The following XKR6 variants were observed in gnomAD, a reference collection of about 807,000 sequenced individuals.
XKR6 encodes XK-related protein 6.
A neutral mutation model predicts 56.7 loss-of-function variants in XKR6; 22 were observed. The observed-to-expected ratio is 0.39, with a 90% CI of 0.28 to 0.55. The LOEUF (loss-of-function observed/expected upper bound fraction) is 0.55. Among genes scored for constraint, XKR6 ranks in the 20% least tolerant of loss-of-function variants. The pLI is 0.66. For missense variants in XKR6, 852 were observed against 889.0 expected (o/e 0.96, Z 0.53); for synonymous variants, 524 against 387.8 (o/e 1.35, Z -4.13).
At chr8:11,112,941 G>A (rs1215814077) in intron 1 of XKR6, among the ~76,000 whole-genome samples, 1 of 152,090 alleles carries the variant, frequency 6.6e-6, no homozygotes. Context: ...CTGTTTGTAG[G>A]GAAATTAAGT....
At chr8:10,933,828 G>T (rs1801139918) in intron 1 of XKR6, among the ~76,000 whole-genome samples, 1 of 136,826 alleles carries the variant, frequency 7.3e-6, no homozygotes, top group Non-Finnish European at 1.6e-5. Flanking sequence ...AAGTCAGGTA[G>T]TGTGATGCCT....
At chr8:11,039,098 G>C (rs1799219951) in intron 1 of XKR6, among the ~76,000 whole-genome samples, 1 of 152,154 alleles carries the variant, frequency 6.6e-6, no homozygotes, top group Non-Finnish European at 1.5e-5. Flanking sequence ...GGGGACTTTG[G>C]CAGGAAGAAG....
intron 1 of XKR6, among the ~76,000 whole-genome samples, chr8:11,183,393 G>A (rs144662794): frequency 6.6e-6 from 1 of 152,106 alleles, no homozygotes; most frequent in African/African-American, 2.4e-5. Flanking sequence ...GCTCACTGCA[G>A]CCTCAAAGTC....
intron 1 of XKR6, among the ~76,000 whole-genome samples, chr8:11,122,579 C>G (rs998701581): frequency 4.6e-5 from 7 of 152,208 alleles, no homozygotes; most frequent in Non-Finnish European, 7.3e-5. Context: ...TTTCCATTGG[C>G]ACTCTTATTT....
chr8:11,009,489 G>A (rs1798451911), intron 1 of XKR6, among the ~76,000 whole-genome samples: 2 of 152,184 alleles, frequency 1.3e-5, no homozygotes, highest in South Asian at 2.1e-4. Flanking sequence ...CAGCCTTGGT[G>A]AGAGAGTGAG....
chr8:11,011,053 T>A (rs912930578), intron 1 of XKR6, among the ~76,000 whole-genome samples: 5 of 152,218 alleles, frequency 3.3e-5, no homozygotes, highest in Admixed American at 3.3e-4. Context: ...TATCCCTGTT[T>A]AACAGATGAG....
At chr8:10,908,050 C>A (rs780130898) in intron 2 of XKR6, among the ~76,000 whole-genome samples, 2 of 152,214 alleles carry the variant, frequency 1.3e-5, no homozygotes, top group African/African-American at 4.8e-5. Flanking sequence ...TGATTTTCAA[C>A]GCCTTTTGCG....
chr8:11,069,548 A>G (rs1014174964), intron 1 of XKR6, among the ~76,000 whole-genome samples: 22 of 152,124 alleles, frequency 1.4e-4, no homozygotes, highest in Admixed American at 1.1e-3. Context: ...GTCATGTAAG[A>G]GGCATACCCC....
At chr8:11,065,221 AAC>A (rs1030857804) in intron 1 of XKR6, among the ~76,000 whole-genome samples, 3 of 152,204 alleles carry the variant, frequency 2.0e-5, no homozygotes, top group African/African-American at 7.2e-5. Context: ...CAAAGAAGGA[AAC>A]ACAGGATTAT....
At chr8:10,951,388 C>A (rs1208686085) in intron 1 of XKR6, among the ~76,000 whole-genome samples, 2 of 151,870 alleles carry the variant, frequency 1.3e-5, no homozygotes, top group Non-Finnish European at 2.9e-5. Context: ...AGCCAGGCTG[C>A]AGCTCAGAGA....
chr8:11,064,307 T>C (rs1799922966), intron 1 of XKR6, among the ~76,000 whole-genome samples: 1 of 152,228 alleles, frequency 6.6e-6, no homozygotes, highest in Non-Finnish European at 1.5e-5. Flanking sequence ...TGTCCATCTC[T>C]GCCTCAGTTA....
At chr8:10,909,679 C>T (rs375787758) in intron 2 of XKR6, among the ~76,000 whole-genome samples, 7 of 152,190 alleles carry the variant, frequency 4.6e-5, no homozygotes, top group East Asian at 1.9e-4. Flanking sequence ...TCTCCAAACA[C>T]GGGAAAGGGA....
At chr8:10,986,208 C>T (rs76937040) in intron 1 of XKR6, among the ~76,000 whole-genome samples, 3,809 of 152,126 alleles carry the variant, frequency 0.025, 164 homozygotes, top group African/African-American at 0.087. Flanking sequence ...GTGATGGTGG[C>T]CCAGATGATT....
intron 1 of XKR6, among the ~76,000 whole-genome samples, chr8:11,192,098 G>A (rs115308288): frequency 0.017 from 2,549 of 152,200 alleles, 92 homozygotes; most frequent in African/African-American, 0.057. Context: ...CAGGAGGACT[G>A]ATTGAGGCCA....
intron 1 of XKR6, among the ~76,000 whole-genome samples, chr8:11,165,523 A>C (rs1045706310): frequency 6.6e-6 from 1 of 152,198 alleles, no homozygotes; most frequent in African/African-American, 2.4e-5. Context: ...GATGATGAAG[A>C]AGATGGCATG....
intron 1 of XKR6, among the ~76,000 whole-genome samples, chr8:10,998,358 T>G (rs1466452926): frequency 6.6e-6 from 1 of 152,182 alleles, no homozygotes; most frequent in East Asian, 1.9e-4. Flanking sequence ...ATCTGCAGAA[T>G]TCTTCTCTGG....
chr8:11,001,681 C>G (rs73662669), intron 1 of XKR6, among the ~76,000 whole-genome samples: 23 of 152,126 alleles, frequency 1.5e-4, no homozygotes, highest in African/African-American at 5.6e-4. Context: ...AAAGCTCAGG[C>G]AGAGTTAGAA....
intron 1 of XKR6, among the ~76,000 whole-genome samples, chr8:10,934,768 A>G (rs1473874931): frequency 2.7e-5 from 4 of 148,118 alleles, no homozygotes; most frequent in Non-Finnish European, 6.0e-5. Flanking sequence ...CATGGTGGAT[A>G]AGCTTTTTGA....
At chr8:10,989,096 G>T (rs4840530) in intron 1 of XKR6, among the ~76,000 whole-genome samples, 37,526 of 152,188 alleles carry the variant, frequency 0.25, 5,368 homozygotes, top group Middle Eastern at 0.33. Context: ...GGAGACAGTG[G>T]AGTGATGTCT....
Sources: allele counts gnomAD v4.1 joint callset (sites outside exome capture counted in the v4.1 genomes callset), GRCh38; gene constraint gnomAD v4.1.1; transcripts MANE v1.5; gene names NCBI Gene and HGNC (gene_info 2026-07-23, HGNC 2026-07-21).